The following UBE3C variants were observed in gnomAD, a reference collection of about 807,000 sequenced individuals.
UBE3C encodes ubiquitin-protein ligase E3C.
In UBE3C, 42 loss-of-function variants were observed where a neutral mutation model predicts 129.4. That is an observed-to-expected ratio of 0.32 (90% CI 0.25 to 0.42). The LOEUF is 0.42. UBE3C is among the 10% of genes least tolerant of loss of function. The pLI is 1.00. For missense variants in UBE3C, 1,049 were observed against 1,319.1 expected (o/e 0.80, Z 3.17); for synonymous variants, 510 against 492.4 (o/e 1.04, Z -0.47).
At chr7:157,183,163 A>G (rs35612257) in intron 8 of UBE3C, among the ~76,000 whole-genome samples, 2,182 of 152,180 alleles carry the variant, frequency 0.014, 42 homozygotes, top group African/African-American at 0.049. Flanking sequence ...GGTATTCTAC[A>G]ATTCAGTTCA....
At chr7:157,145,486 C>G (rs1415635512) in intron 1 of UBE3C, among the ~76,000 whole-genome samples, 1 of 152,106 alleles carries the variant, frequency 6.6e-6, no homozygotes, top group African/African-American at 2.4e-5. Context: ...CCATTGCACT[C>G]CAGCCTAGGT....
chr7:157,229,823 G>A (rs1461954157), intron 17 of UBE3C, among the ~76,000 whole-genome samples: 1 of 152,122 alleles, frequency 6.6e-6, no homozygotes, highest in Non-Finnish European at 1.5e-5. Flanking sequence ...GTGTTGCCCA[G>A]GCTGGTCTTG....
intron 18 of UBE3C, among the ~76,000 whole-genome samples, chr7:157,246,122 G>A (rs1377047587): frequency 6.6e-6 from 1 of 151,850 alleles, no homozygotes; most frequent in African/African-American, 2.4e-5. Context: ...TTCTCCAGTC[G>A]TATCAGTGGA....
At chr7:157,196,008 C>G (rs1809109601) in intron 10 of UBE3C, among the ~76,000 whole-genome samples, 1 of 152,210 alleles carries the variant, frequency 6.6e-6, no homozygotes, top group Non-Finnish European at 1.5e-5. Flanking sequence ...CTATGGATTT[C>G]AAGACGAGGC....
intron 3 of UBE3C, among the ~76,000 whole-genome samples, 174 bp from the exon 4 acceptor site, chr7:157,170,130 T>C (rs1211273237): frequency 6.6e-6 from 1 of 151,836 alleles, no homozygotes; most frequent in Non-Finnish European, 1.5e-5. Context: ...TTTTTTTTTT[T>C]TTTTCTTTTT....
intron 18 of UBE3C, among the ~76,000 whole-genome samples, chr7:157,235,123 G>A (rs1209202493): frequency 6.6e-6 from 1 of 152,146 alleles, no homozygotes; most frequent in Non-Finnish European, 1.5e-5. Flanking sequence ...CCTGGAGGCG[G>A]AGGTTGTGGT....
chr7:157,147,820 G>A (rs1807648475), intron 1 of UBE3C, among the ~76,000 whole-genome samples: 1 of 152,186 alleles, frequency 6.6e-6, no homozygotes, highest in African/African-American at 2.4e-5. Context: ...TCTGCAGCTT[G>A]TGGATATGAT....
chr7:157,249,477 T>G (rs113535675), intron 19 of UBE3C, among the ~76,000 whole-genome samples: 70 of 152,274 alleles, frequency 4.6e-4, no homozygotes, highest in African/African-American at 1.7e-3. Flanking sequence ...CACGCCCAGC[T>G]AATTTTTGTA....
chr7:157,191,658 G>C (rs1022270872), intron 10 of UBE3C, among the ~76,000 whole-genome samples: 13 of 152,202 alleles, frequency 8.5e-5, no homozygotes, highest in African/African-American at 2.2e-4. Context: ...GGTGTATGTG[G>C]TGGGGATGAA....
intron 1 of UBE3C, among the ~76,000 whole-genome samples, chr7:157,144,599 C>T (rs1164952222): frequency 1.3e-5 from 2 of 151,910 alleles, no homozygotes; most frequent in Non-Finnish European, 2.9e-5. Context: ...AGTTTGTAGA[C>T]CGGAGGAACT....
In UBE3C at chr7:157,169,061, G is replaced by A. The variant is rs1467038956; in HGVS notation, c.134G>A (p.Arg45Lys). Residue 45 changes from arginine to lysine, a missense_variant, in exon 3 of 23, where the codon AGG becomes AAG. Around this residue, in one of 4 missense-constraint regions of UBE3C, gnomAD observed 489 missense variants for 513.8 expected, o/e 0.95. Transcript: ENST00000348165. ...ERRKREEERRRLKNAIIIQSF... is the reference protein window; with the variant it reads ...ERRKREEERRKLKNAIIIQSF... ...TTTATTGTTTAGGAAGAAAGGCGAA[G>A]GTTGAAAAATGCAATAATTATCCAG... is the stretch of plus-strand genomic sequence containing the variant. 6.2e-7 allele frequency: 1 copy of A among 1,613,696 alleles called. No homozygotes were observed. The highest frequency in any genetic ancestry group is 1.7e-5 in the Admixed American group (1 of 59,996).
At chr7:157,219,901 TAAA>T (rs60291484) in intron 14 of UBE3C, among the ~76,000 whole-genome samples, 13 of 137,754 alleles carry the variant, frequency 9.4e-5, no homozygotes, top group Admixed American at 5.9e-4. Flanking sequence ...AGACTCCATC[TAAA>T]AAAAAAAAAA....
chr7:157,186,721 T>C (rs751396437), intron 9 of UBE3C, 113 bp from the exon 10 acceptor site: 57 of 1,228,208 alleles, frequency 4.6e-5, no homozygotes, highest in Non-Finnish European at 5.7e-5. Context: ...AATTTTGAGA[T>C]GATGCCTAGC....
At chr7:157,209,293 A>G (rs1809524827) in intron 13 of UBE3C, among the ~76,000 whole-genome samples, 1 of 152,224 alleles carries the variant, frequency 6.6e-6, no homozygotes, top group African/African-American at 2.4e-5. Flanking sequence ...AGCAGCCGTA[A>G]CTGATAATGT....
chr7:157,262,546 G>A (rs1454834955), intron 22 of UBE3C, among the ~76,000 whole-genome samples: 1 of 147,182 alleles, frequency 6.8e-6, no homozygotes, highest in Non-Finnish European at 1.5e-5. Flanking sequence ...AGCCTCCCGA[G>A]TAGGTGGGAT....
In UBE3C at chr7:157,197,513, T is replaced by G. The variant is rs866653758; in HGVS notation, c.1332-4208T>G. Reference sequence around the variant, plus strand: ...TAAAAATAATAAAAATAATTTGTTTTTTTTTTTTTTTAATGCTGGAGGTAT... The same window carrying G: ...TAAAAATAATAAAAATAATTTGTTTGTTTTTTTTTTTAATGCTGGAGGTAT... On this transcript the variant is annotated intron_variant, in intron 10 of 22. Coordinates refer to ENST00000348165, the MANE Select transcript of UBE3C (RefSeq NM_014671.3). 2.5e-4 allele frequency: 213 copies of G among 865,900 alleles called. 1 individual carries two copies. The Middle Eastern group carries it at 3.5e-3, about 14-fold the overall frequency. 53.6% of individuals were successfully genotyped at this position (865,900 alleles called of 1,614,324 possible). A position where few individuals can be genotyped will look rare whatever the true frequency, so the allele number is the denominator to read the frequency against.
At chr7:157,252,956 T>C (rs6966805) in intron 19 of UBE3C, among the ~76,000 whole-genome samples, 13,511 of 152,230 alleles carry the variant, frequency 0.089, 804 homozygotes, top group Non-Finnish European at 0.12. Context: ...TATCTCAAAC[T>C]CCTGGGCTTA....
intron 10 of UBE3C, chr7:157,188,863 C>A: frequency 2.1e-6 from 1 of 468,554 alleles, no homozygotes; most frequent in Admixed American, 3.5e-5. Context: ...ATAACTCATT[C>A]ACAGGCCCTC....
At chr7:157,265,592 CG>C (rs1239732330) in intron 22 of UBE3C, among the ~76,000 whole-genome samples, 3 of 152,322 alleles carry the variant, frequency 2.0e-5, no homozygotes, top group Admixed American at 2.0e-4. Flanking sequence ...TCGTGCCGCG[CG>C]TGTGCATGGA....
Sources: gnomAD v4.1 joint callset for allele counts (sites outside exome capture counted in the v4.1 genomes callset) on GRCh38, gnomAD v4.1.1 for gene constraint, gnomAD v4.1.1 regional missense constraint, MANE v1.5 for transcripts, NCBI Gene and HGNC (gene_info 2026-07-23, HGNC 2026-07-21) for gene names.